CLEC16A: variants seen among roughly 807,000 people sequenced by gnomAD.
CLEC16A encodes C-type lectin domain containing 16A, also known as protein CLEC16A.
A neutral mutation model predicts 109.5 loss-of-function variants in CLEC16A; 51 were observed. The observed-to-expected ratio is 0.47, with a 90% CI of 0.37 to 0.59. The LOEUF is 0.59. Ranked by LOEUF, CLEC16A falls within the 20% of genes least tolerant of loss-of-function variation. The probability of loss-of-function intolerance (pLI) is 0.00; values close to 1 mark genes in which losing one functional copy is unlikely to be tolerated. For missense variants in CLEC16A, 1,339 were observed against 1,394.0 expected (o/e 0.96, Z 0.63); for synonymous variants, 673 against 564.2 (o/e 1.19, Z -2.73).
chr16:10,982,843 T>G (rs200592588), intron 9 of CLEC16A, 35 bp from the exon 10 acceptor site: 14 of 1,272,784 alleles, frequency 1.1e-5, no homozygotes, highest in African/African-American at 2.9e-5. Context: ...TACCGCACAC[T>G]TTCATGCAAA....
intron 10 of CLEC16A, among the ~76,000 whole-genome samples, chr16:10,998,157 G>T (rs1478504974): frequency 2.0e-5 from 3 of 152,304 alleles, no homozygotes; most frequent in East Asian, 3.9e-4. Flanking sequence ...AAAAAGCAAG[G>T]ACCAAAGCCT....
At position 10,951,410 on chromosome 16, in the gene CLEC16A, G is replaced by T. The variant is rs563972536; in HGVS notation, c.81-6372G>T. On this transcript the variant is annotated intron_variant, in intron 1 of 23. Coordinates refer to ENST00000409790, the MANE Select transcript of CLEC16A (RefSeq NM_015226.3). ...TGTTTTTTTAATTTATTTTTTGTGT[G>T]TTAGGCATTCATAACCTCATGTAAA... 2.6e-5 allele frequency among the ~76,000 whole-genome samples: 4 copies of T among 152,148 alleles called. No homozygotes were observed. The South Asian group carries it at 8.3e-4, about 32-fold the overall frequency.
chr16:11,149,034 C>G (rs901458566), intron 22 of CLEC16A, among the ~76,000 whole-genome samples: 1 of 152,162 alleles, frequency 6.6e-6, no homozygotes, highest in Non-Finnish European at 1.5e-5. Context: ...AAAAAGCAAT[C>G]AAAGGCCAAA....
At chr16:11,164,903 G>A (rs1369060588) in intron 22 of CLEC16A, among the ~76,000 whole-genome samples, 2 of 152,210 alleles carry the variant, frequency 1.3e-5, no homozygotes, top group African/African-American at 2.4e-5. Context: ...GTGAAGTTCA[G>A]GCAGGGCAGG....
Position 10,962,461 on chromosome 16 carries a change from C to T in CLEC16A, c.216C>T (p.Phe72=). 6.2e-7 allele frequency: 1 copy of T among 1,613,962 alleles called. No individual in the cohort carries two copies. The highest frequency in any genetic ancestry group is 8.5e-7 in the Non-Finnish European group (1 of 1,179,886). The change falls in exon 3 of 24, where the codon TTC becomes TTT. Residue 72 remains phenylalanine, a synonymous_variant. Transcript: ENST00000409790. ...DQNDSSVFDF[F]LEKNMFVFFL... is the part of the protein sequence containing the mutation. ...TTTTCCATTCTCTCCCCAGCTTCTT[C>T]CTGGAGAAGAATATGTTTGTTTTCT... is the stretch of plus-strand genomic sequence containing the variant.
intron 11 of CLEC16A, among the ~76,000 whole-genome samples, chr16:11,017,776 C>A (rs533800538): frequency 6.6e-6 from 1 of 152,204 alleles, no homozygotes; most frequent in South Asian, 2.1e-4. Flanking sequence ...ATTGCACAAA[C>A]CCAGAGTGAG....
chr16:11,015,031 G>C (rs1567197190), intron 11 of CLEC16A, among the ~76,000 whole-genome samples: 1 of 152,360 alleles, frequency 6.6e-6, no homozygotes, highest in South Asian at 2.1e-4. Context: ...TGCCCACATA[G>C]CACTTTGCAT....
At chr16:11,147,325 A>C (rs1458836019) in intron 22 of CLEC16A, among the ~76,000 whole-genome samples, 1 of 152,216 alleles carries the variant, frequency 6.6e-6, no homozygotes, top group Non-Finnish European at 1.5e-5. Flanking sequence ...GACTACTCGC[A>C]TCATTAGTAC....
intron 22 of CLEC16A, among the ~76,000 whole-genome samples, chr16:11,140,080 C>T (rs922513984): frequency 6.6e-6 from 1 of 152,240 alleles, no homozygotes; most frequent in African/African-American, 2.4e-5. Context: ...CTACCGGCTT[C>T]CTGAGAACAA....
chr16:11,120,811 AACACACACACAC>A (rs3217121), intron 20 of CLEC16A, 45 bp downstream of exon 20: 17 of 934,318 alleles, frequency 1.8e-5, no homozygotes, highest in African/African-American at 5.3e-5. Context: ...GTTGGCTACA[AACACACACACAC>A]ACACACACAC....
rs1315348695 is a variant in CLEC16A, at chr16:11,174,668, G to A, written c.2807-3667G>A. Among the ~76,000 whole-genome samples the A allele has an allele frequency of 1.3e-5, 2 of 152,258 alleles. No individual in the cohort carries two copies. The highest frequency in any genetic ancestry group is 2.9e-5 in the Non-Finnish European group (2 of 68,052). On this transcript the variant is annotated intron_variant, in intron 23 of 23. Transcript: ENST00000409790. This position sits in a 1 kb window ranked among gnomAD's most constrained non-coding sequence, Gnocchi z 4.7. The stretch of plus-strand genomic sequence containing the variant: ...CCAGTTTAGGCCATGGGGGTTGGGC[G>A]GCAGTTGGCTGGCAAAGTGAGAATT...
chr16:11,080,604 G>C (rs2049650148), intron 19 of CLEC16A, among the ~76,000 whole-genome samples: 2 of 152,250 alleles, frequency 1.3e-5, no homozygotes, highest in Admixed American at 1.3e-4. Context: ...GAGGTTAGAA[G>C]TCTGCCACGG....
At chr16:11,007,565 A>G (rs2045103744) in intron 11 of CLEC16A, among the ~76,000 whole-genome samples, 1 of 152,162 alleles carries the variant, frequency 6.6e-6, no homozygotes, top group Admixed American at 6.5e-5. Context: ...TGGGCCTCAG[A>G]TTGTCATAAG....
intron 17 of CLEC16A, among the ~76,000 whole-genome samples, chr16:11,051,049 T>C (rs556916786): frequency 1.1e-3 from 164 of 152,262 alleles, no homozygotes; most frequent in African/African-American, 3.5e-3. Context: ...TCAAAAGCCC[T>C]TAGGTCACAG....
chr16:11,057,464 GTGTC>G (rs1310258104), intron 18 of CLEC16A, among the ~76,000 whole-genome samples: 1 of 152,248 alleles, frequency 6.6e-6, no homozygotes, highest in Non-Finnish European at 1.5e-5. Context: ...GAGCCACAGT[GTGTC>G]TGACTACAGA....
intron 20 of CLEC16A, among the ~76,000 whole-genome samples, chr16:11,121,605 C>T (rs890458433): frequency 7.3e-5 from 11 of 151,394 alleles, no homozygotes; most frequent in African/African-American, 1.9e-4. Context: ...GTGGGCCAGA[C>T]GTGGTGGCTC....
At chr16:11,171,110 C>T (rs1454141718) in intron 23 of CLEC16A, among the ~76,000 whole-genome samples, 1 of 152,222 alleles carries the variant, frequency 6.6e-6, no homozygotes, top group African/African-American at 2.4e-5. Context: ...GGGCCGTGGG[C>T]AGGGGGGAGG....
chr16:11,137,368 GCCTTAAAATCTCTC>G (rs2053617057), intron 22 of CLEC16A, among the ~76,000 whole-genome samples: 1 of 151,782 alleles, frequency 6.6e-6, no homozygotes, highest in South Asian at 2.1e-4. Flanking sequence ...TTTGATTTTT[GCCTTAAAATCTCTC>G]TGACTAGCTC....
intron 7 of CLEC16A, among the ~76,000 whole-genome samples, chr16:10,973,787 T>C (rs1195152281): frequency 6.6e-6 from 1 of 151,022 alleles, no homozygotes. Flanking sequence ...CCCAGGCCAA[T>C]CTTGCATTCC....
Sources: allele counts gnomAD v4.1 joint callset (sites outside exome capture counted in the v4.1 genomes callset), GRCh38; gene constraint gnomAD v4.1.1; non-coding constraint Gnocchi (gnomAD v3.1); transcripts MANE v1.5; gene names NCBI Gene and HGNC (gene_info 2026-07-23, HGNC 2026-07-21).